RBM38: variants seen among roughly 807,000 people sequenced by gnomAD.
RBM38 encodes RNA-binding protein 38.
RBM38 carries 11 observed loss-of-function variants against 23.5 expected under a neutral mutation model. That is an observed-to-expected ratio of 0.47 (90% confidence interval 0.29 to 0.77). RBM38 has a LOEUF of 0.77. RBM38 is among the 30% of genes least tolerant of loss of function. RBM38 has a pLI of 0.08. For missense variants in RBM38, 330 were observed against 351.9 expected, an observed-to-expected ratio of 0.94 and a Z score of 0.50; for synonymous variants, 165 against 166.1, an observed-to-expected ratio of 0.99 and a Z score of 0.05.
Position 57,407,196 on chromosome 20 carries a change from G to A in RBM38, c.417-347G>A, listed in dbSNP as rs1423762908. ...GCTCTTGATCGCATGCTCCGCCGTC[G>A]TGGCTTCAAACTCTCAATCATTTGA... On this transcript the variant is annotated intron_variant, in intron 3 of 3. Coordinates refer to ENST00000356208, the MANE Select transcript of RBM38 (RefSeq NM_017495.6). The surrounding 1 kb of genome is among the most constrained non-coding windows in gnomAD (Gnocchi z 4.0). 6.6e-6 allele frequency among the ~76,000 whole-genome samples: 1 copy of A among 152,116 alleles called. No individual in the cohort carries two copies. The highest frequency in any genetic ancestry group is 6.5e-5 in the Admixed American group (1 of 15,282).
chr20:57,397,852 A>G (rs2067290200), intron 3 of RBM38, among the ~76,000 whole-genome samples: 2 of 152,254 alleles, frequency 1.3e-5, no homozygotes, highest in Admixed American at 1.3e-4. Flanking sequence ...TCGTGGGCCC[A>G]CATGGTGATG....
chr20:57,402,638 T>A (rs2067340285), intron 3 of RBM38, among the ~76,000 whole-genome samples: 2 of 152,238 alleles, frequency 1.3e-5, no homozygotes, highest in Non-Finnish European at 2.9e-5. Context: ...GAGCATGGCG[T>A]GTGAGTGGGG....
At chr20:57,400,385 C>T (rs552112054) in intron 3 of RBM38, among the ~76,000 whole-genome samples, 136 of 152,284 alleles carry the variant, frequency 8.9e-4, no homozygotes, top group African/African-American at 3.2e-3. Context: ...TCGGGGTCCC[C>T]CTGTCCTCTC....
chr20:57,407,872 G>A lies in RBM38; in HGVS notation c.*26G>A. 6 of 1,528,650 alleles carry A rather than the reference G, an allele frequency of 3.9e-6. No homozygotes were observed. The highest frequency in any genetic ancestry group is 5.3e-6 in the Non-Finnish European group (6 of 1,140,468). The allele number at this position is 1,528,650 out of a possible 1,614,324, so 94.7% of individuals were successfully genotyped here. On this transcript the variant is annotated 3_prime_UTR_variant, in exon 4 of 4. Coordinates refer to ENST00000356208, the MANE Select transcript of RBM38 (RefSeq NM_017495.6). The surrounding 1 kb of genome is among the most constrained non-coding windows in gnomAD (Gnocchi z 4.0). ...GGGGCGTTCCTGCCCCGAGGACTGT[G>A]GCATTGTCACCTTCACAGCAGACAG...
rs765186506 is a variant in RBM38 at position 57,393,293 on chromosome 20, G to T, written c.376G>T (p.Val126Leu). 2.2e-5 allele frequency: 35 copies of T among 1,613,732 alleles called. No individual in the cohort carries two copies. Among genetic ancestry groups the T allele is most frequent in the Non-Finnish European group, 2.8e-5 (33 of 1,179,870 alleles). ...RSLQTGFAIGVQQLHPTLIQR... is the reference protein window; with the variant it reads ...RSLQTGFAIGLQQLHPTLIQR... ...TCTCGTTTTAGGCTTTGCCATTGGG[G>T]TGCAGCAGCTGCACCCCACCTTGAT... The change falls in exon 3 of 4, where the codon GTG (valine) becomes TTG (leucine). Residue 126 changes from valine to leucine, a missense_variant. Transcript: ENST00000356208.
At chr20:57,403,895 C>G (rs938520539) in intron 3 of RBM38, among the ~76,000 whole-genome samples, 1 of 152,254 alleles carries the variant, frequency 6.6e-6, no homozygotes, top group African/African-American at 2.4e-5. Flanking sequence ...GCTGGGATTA[C>G]AGGCGTGAGC....
intron 3 of RBM38, among the ~76,000 whole-genome samples, chr20:57,395,776 G>A (rs1009696927): frequency 6.6e-5 from 10 of 152,300 alleles, no homozygotes; most frequent in Non-Finnish European, 1.2e-4. Context: ...GAGCTGGGCC[G>A]GAGCTGGAGA....
In RBM38 at chr20:57,408,864, AGTG is replaced by A. The variant is rs2067416058; in HGVS notation, c.*1019_*1021del. On this transcript the variant is annotated 3_prime_UTR_variant, in exon 4 of 4. Transcript: ENST00000356208. ...CAAACACTGTGGAAGGGGAGAAGGA[AGTG>A]ATCCACAGCATTCAGGCCACTTGGG... 6.6e-6 allele frequency: 1 copy of A among 152,656 alleles called. No homozygotes were observed. Among genetic ancestry groups the A allele is most frequent in the Non-Finnish European group, 1.5e-5 (1 of 68,054 alleles). The allele number at this position is 152,656 out of a possible 1,614,324, so 9.5% of individuals were successfully genotyped here.
intron 3 of RBM38, among the ~76,000 whole-genome samples, chr20:57,402,467 G>T (rs1214107174): frequency 6.6e-6 from 1 of 152,228 alleles, no homozygotes; most frequent in Non-Finnish European, 1.5e-5. Flanking sequence ...GGCCTGGTGG[G>T]CTCTTCACTG....
intron 3 of RBM38, among the ~76,000 whole-genome samples, chr20:57,406,552 C>T (rs7271116): frequency 3.9e-5 from 6 of 152,286 alleles, no homozygotes; most frequent in Middle Eastern, 3.4e-3. Context: ...CTCCCCCCAG[C>T]GTGGGCGCTG....
chr20:57,403,963 TACG>T, intron 3 of RBM38, among the ~76,000 whole-genome samples: 1 of 152,336 alleles, frequency 6.6e-6, no homozygotes, highest in South Asian at 2.1e-4. Flanking sequence ...CCAGGCCCTT[TACG>T]TACAGAAAGA....
At position 57,398,959 on chromosome 20, in the gene RBM38, G is replaced by A. The variant is rs148204876; in HGVS notation, c.416+5626G>A. 6.6e-3 allele frequency among the ~76,000 whole-genome samples: 999 copies of A among 152,322 alleles called. 12 individuals carry two copies. The highest frequency in any genetic ancestry group is 0.018 in the African/African-American group (733 of 41,570). ...TGGATAGAGTAGGGAGCTGGACACT[G>A]GGTCAGCTTGTCTGACAGATCTTTG... On this transcript the variant is annotated intron_variant, in intron 3 of 3. Coordinates refer to ENST00000356208, the MANE Select transcript of RBM38 (RefSeq NM_017495.6).
At chr20:57,403,644 C>CA (rs1357626964) in intron 3 of RBM38, among the ~76,000 whole-genome samples, 9 of 151,708 alleles carry the variant, frequency 5.9e-5, no homozygotes, top group African/African-American at 2.2e-4. Context: ...TTTTTTGAGA[C>CA]AGAGTTTTGC....
intron 3 of RBM38, among the ~76,000 whole-genome samples, chr20:57,406,168 G>A (rs1040792739): frequency 8.5e-5 from 13 of 152,342 alleles, no homozygotes; most frequent in African/African-American, 2.9e-4. Context: ...TTCTGATGCC[G>A]CGGAGGTGGC....
intron 3 of RBM38, among the ~76,000 whole-genome samples, chr20:57,406,866 C>T (rs1331336820): frequency 6.6e-6 from 1 of 152,052 alleles, no homozygotes; most frequent in African/African-American, 2.4e-5. Context: ...TGGTGGCGGG[C>T]ACCTGTAGTC....
At position 57,404,670 on chromosome 20, in the gene RBM38, C is replaced by T. The variant is rs372628829; in HGVS notation, c.417-2873C>T. On this transcript the variant is annotated intron_variant, in intron 3 of 3. Coordinates refer to ENST00000356208, the MANE Select transcript of RBM38 (RefSeq NM_017495.6). Reference sequence around the variant, plus strand: ...CTTTGTTCCGTCAGCACCATGTGCCCAGTGCCTCCTACAGGCCTGGTCCTG... The same window carrying T: ...CTTTGTTCCGTCAGCACCATGTGCCTAGTGCCTCCTACAGGCCTGGTCCTG... Among the ~76,000 whole-genome samples the T allele has an allele frequency of 8.5e-5, 13 of 152,364 alleles. No homozygotes were observed. The East Asian group carries it at 2.1e-3, about 25-fold the overall frequency.
chr20:57,400,926 T>TGTA (rs2067321784), intron 3 of RBM38, among the ~76,000 whole-genome samples: 1 of 152,164 alleles, frequency 6.6e-6, no homozygotes, highest in Non-Finnish European at 1.5e-5. Context: ...CGCGTGGGAC[T>TGTA]CCAGCAGCGG....
rs2146197426 is a variant in RBM38, at chr20:57,391,687, A to G, written c.106A>G (p.Ile36Val). 1 of 1,515,354 alleles carries G rather than the reference A, an allele frequency of 6.6e-7. No individual in the cohort carries two copies. Among genetic ancestry groups the G allele is most frequent in the Admixed American group, 2.1e-5 (1 of 47,726 alleles). The allele number at this position is 1,515,354 out of a possible 1,614,324, so 93.9% of individuals were successfully genotyped here. A position where few individuals can be genotyped will look rare whatever the true frequency, so the allele number is the denominator to read the frequency against. ...GCAGAAGGACACCACGTTCACCAAGATCTTCGTGGGCGGCCTGCCGTACCA... is the reference window on the plus strand; with the variant it reads ...GCAGAAGGACACCACGTTCACCAAGGTCTTCGTGGGCGGCCTGCCGTACCA... Reference protein sequence around the residue: ...GSQKDTTFTKIFVGGLPYHTT... With the variant: ...GSQKDTTFTKVFVGGLPYHTT... The change falls in exon 1 of 4, where the codon ATC becomes GTC. Residue 36 changes from isoleucine to valine, a missense_variant. This residue lies in a region of RBM38 where 95 missense variants were observed against 111.9 expected (regional missense o/e 0.85). Coordinates refer to ENST00000356208, the MANE Select transcript of RBM38 (RefSeq NM_017495.6).
At position 57,407,050 on chromosome 20, in the gene RBM38, C is replaced by T. The variant is rs1411989847; in HGVS notation, c.417-493C>T. Among the ~76,000 whole-genome samples, 1 of 149,612 alleles carries T rather than the reference C, an allele frequency of 6.7e-6. No individual in the cohort carries two copies. The highest frequency in any genetic ancestry group is 1.5e-5 in the Non-Finnish European group (1 of 67,822). On this transcript the variant is annotated intron_variant, in intron 3 of 3. Transcript: ENST00000356208. This position sits in a 1 kb window ranked among gnomAD's most constrained non-coding sequence, Gnocchi z 4.0. Reference sequence around the variant, plus strand: ...AGCAGGTGTTGGCTGGGAGAGCAGGCGTGTACATGAGCCAAGTGTGCAGTG... The same window carrying T: ...AGCAGGTGTTGGCTGGGAGAGCAGGTGTGTACATGAGCCAAGTGTGCAGTG...
Sources: gnomAD v4.1 joint callset for allele counts (sites outside exome capture counted in the v4.1 genomes callset) on GRCh38, gnomAD v4.1.1 for gene constraint, gnomAD v4.1.1 regional missense constraint, Gnocchi (gnomAD v3.1) non-coding constraint, MANE v1.5 for transcripts, NCBI Gene and HGNC (gene_info 2026-07-23, HGNC 2026-07-21) for gene names.